Variants in KCNH8 observed in about 807,000 individuals in gnomAD.
The protein encoded by KCNH8 is potassium voltage-gated channel subfamily H member 8, also known as voltage-gated delayed rectifier potassium channel KCNH8.
KCNH8 carries 70 observed loss-of-function variants against 103.6 expected under a neutral mutation model. The ratio of observed to expected loss-of-function variants is 0.68; its 90% CI spans 0.56 to 0.82. The LOEUF is 0.82. Among genes scored for constraint, KCNH8 ranks in the 40% least tolerant of loss-of-function variants. The pLI is 0.00. For synonymous variants in KCNH8, 498 were observed against 489.4 expected, an observed-to-expected ratio of 1.02 and a Z score of -0.23; for missense variants, 1,217 against 1,329.9, an observed-to-expected ratio of 0.92 and a Z score of 1.32.
chr3:19,481,380 CA>C (rs1031142625), intron 11 of KCNH8, among the ~76,000 whole-genome samples: 3 of 151,970 alleles, frequency 2.0e-5, no homozygotes, highest in African/African-American at 4.8e-5. Context: ...CTCCAACCTC[CA>C]AAAGTCTAGT....
Position 19,272,805 on chromosome 3 carries a change from T to C in KCNH8, c.311-8393T>C, listed in dbSNP as rs76607527. On this transcript the variant is annotated intron_variant, in intron 2 of 15. Transcript: ENST00000328405. The stretch of plus-strand genomic sequence containing the variant: ...TTTACCCTGCTCTCCTTTTTCTTTT[T>C]TCCTATAGCATTTAAGACCTTCTAA... Among the ~76,000 whole-genome samples the C allele has an allele frequency of 3.3e-3, 502 of 152,284 alleles. 23 individuals carry two copies. The East Asian group carries it at 0.084, about 25-fold the overall frequency.
At chr3:19,532,291 A>G (rs1031378514) in intron 15 of KCNH8, among the ~76,000 whole-genome samples, 2 of 152,224 alleles carry the variant, frequency 1.3e-5, no homozygotes, top group African/African-American at 4.8e-5. Context: ...TTGTTGTTTT[A>G]TAATTCCATG....
At chr3:19,262,887 G>A (rs2064455464) in intron 2 of KCNH8, among the ~76,000 whole-genome samples, 1 of 152,028 alleles carries the variant, frequency 6.6e-6, no homozygotes, top group Non-Finnish European at 1.5e-5. Flanking sequence ...ATCATTCTGA[G>A]CAAAACAAAA....
chr3:19,206,268 T>C (rs151181835), intron 1 of KCNH8, among the ~76,000 whole-genome samples: 3,500 of 148,402 alleles, frequency 0.024, 174 homozygotes, highest in African/African-American at 0.082. Context: ...TATATATATC[T>C]ATCTATATAC....
chr3:19,280,790 G>A (rs1472480639), intron 2 of KCNH8, among the ~76,000 whole-genome samples: 3 of 151,892 alleles, frequency 2.0e-5, no homozygotes, highest in Admixed American at 2.0e-4. Context: ...TTTTTAAATT[G>A]ACTAAATAAA....
chr3:19,526,352 C>T (rs2069064099), intron 15 of KCNH8, among the ~76,000 whole-genome samples: 2 of 151,804 alleles, frequency 1.3e-5, no homozygotes, highest in Admixed American at 1.3e-4. Context: ...ACTCAAAGCA[C>T]AAGAATTTTA....
chr3:19,160,136 CCA>C (rs1193706214), intron 1 of KCNH8, among the ~76,000 whole-genome samples: 1 of 152,050 alleles, frequency 6.6e-6, no homozygotes, highest in Non-Finnish European at 1.5e-5. Context: ...TAGTCACTGA[CCA>C]CATTAAAATC....
At chr3:19,512,441 G>C (rs142209082) in intron 12 of KCNH8, among the ~76,000 whole-genome samples, 146 of 152,266 alleles carry the variant, frequency 9.6e-4, no homozygotes, top group Non-Finnish European at 1.4e-3. Context: ...GAGTAGCTGA[G>C]AATACTTCTG....
At chr3:19,238,425 A>G (rs902657389) in intron 1 of KCNH8, among the ~76,000 whole-genome samples, 1 of 152,188 alleles carries the variant, frequency 6.6e-6, no homozygotes, top group Non-Finnish European at 1.5e-5. Flanking sequence ...GGTAAAACAA[A>G]CTGAAAAAGA....
intron 11 of KCNH8, among the ~76,000 whole-genome samples, chr3:19,467,944 CCTCA>C (rs1275893091): frequency 6.6e-6 from 1 of 151,926 alleles, no homozygotes; most frequent in African/African-American, 2.4e-5. Flanking sequence ...GCTCCACCCA[CCTCA>C]CTCCCTCCCT....
chr3:19,263,021 C>A (rs1487120598), intron 2 of KCNH8, among the ~76,000 whole-genome samples: 1 of 152,012 alleles, frequency 6.6e-6, no homozygotes, highest in Non-Finnish European at 1.5e-5. Flanking sequence ...ATGTTAAAGT[C>A]ATTAGCACCG....
chr3:19,533,300 C>A, intron 15 of KCNH8, 95 bp from the exon 16 acceptor site: 6 of 750,452 alleles, frequency 8.0e-6, no homozygotes, highest in South Asian at 3.7e-5. Flanking sequence ...AAAAGAAAAC[C>A]GAAAGAAATA....
At chr3:19,489,689 T>C (rs2068279372) in intron 11 of KCNH8, among the ~76,000 whole-genome samples, 1 of 152,084 alleles carries the variant, frequency 6.6e-6, no homozygotes, top group African/African-American at 2.4e-5. Flanking sequence ...TCACCCATGT[T>C]TCCTCCAGAC....
chr3:19,157,516 G>A (rs559895673), intron 1 of KCNH8, among the ~76,000 whole-genome samples: 1 of 152,090 alleles, frequency 6.6e-6, no homozygotes, highest in African/African-American at 2.4e-5. Context: ...TTGTTTAGCT[G>A]TACAGTACTC....
chr3:19,173,309 A>T (rs55762103), intron 1 of KCNH8, among the ~76,000 whole-genome samples: 217 of 152,254 alleles, frequency 1.4e-3, no homozygotes, highest in South Asian at 6.0e-3. Context: ...TGCCTTGGGC[A>T]ATGGTGGTGG....
rs375036072 is a variant in KCNH8 at position 19,260,657 on chromosome 3, A to C, written c.310+6770A>C. ...TTAGCAAAAATCCCAAGTACAACAC[A>C]CTATTATTAACTATAGTCTTCTTCT... On this transcript the variant is annotated intron_variant, in intron 2 of 15. Transcript: ENST00000328405. 1.7e-4 allele frequency among the ~76,000 whole-genome samples: 25 copies of C among 148,664 alleles called. No individual in the cohort carries two copies. In the South Asian group the frequency reaches 5.0e-3, roughly 30 times the overall value.
At chr3:19,163,863 A>G (rs2063257528) in intron 1 of KCNH8, among the ~76,000 whole-genome samples, 1 of 152,152 alleles carries the variant, frequency 6.6e-6, no homozygotes, top group African/African-American at 2.4e-5. Context: ...CTTCTTTATA[A>G]CTTTCTTATT....
At chr3:19,492,192 G>C (rs963190243) in intron 11 of KCNH8, among the ~76,000 whole-genome samples, 1 of 152,078 alleles carries the variant, frequency 6.6e-6, no homozygotes, top group Non-Finnish European at 1.5e-5. Flanking sequence ...GATCGGACTT[G>C]TCATTTTTTG....
At chr3:19,279,071 A>G (rs1453170270) in intron 2 of KCNH8, among the ~76,000 whole-genome samples, 2 of 152,084 alleles carry the variant, frequency 1.3e-5, no homozygotes, top group African/African-American at 4.8e-5. Flanking sequence ...TAAAATGTCA[A>G]CCAAAATGTC....
Sources: allele counts gnomAD v4.1 joint callset (sites outside exome capture counted in the v4.1 genomes callset), GRCh38; gene constraint gnomAD v4.1.1; transcripts MANE v1.5; gene names NCBI Gene and HGNC (gene_info 2026-07-23, HGNC 2026-07-21).